The following KCNH7 variants were observed in gnomAD, a reference collection of about 807,000 sequenced individuals.
The protein encoded by KCNH7 is potassium voltage-gated channel subfamily H member 7.
Under a neutral mutation model 120.8 loss-of-function variants are expected in KCNH7, and 49 were observed. The ratio of observed to expected loss-of-function variants is 0.41; its 90% CI spans 0.32 to 0.51. The LOEUF is 0.51. KCNH7 is among the 20% of genes least tolerant of loss of function. The pLI is 0.38. For missense variants in KCNH7, 1,097 were observed against 1,446.6 expected (o/e 0.76, Z 3.92); for synonymous variants, 547 against 516.1 (o/e 1.06, Z -0.81).
At chr2:162,800,975 T>A (rs183617607) in intron 2 of KCNH7, among the ~76,000 whole-genome samples, 2 of 152,016 alleles carry the variant, frequency 1.3e-5, no homozygotes, top group East Asian at 3.9e-4. Context: ...TCTCTCCTTG[T>A]AAGAAAGGAT....
At chr2:162,633,536 C>T (rs1036191140) in intron 2 of KCNH7, among the ~76,000 whole-genome samples, 2 of 151,810 alleles carry the variant, frequency 1.3e-5, no homozygotes, top group African/African-American at 4.8e-5. Context: ...GTATGCTTTC[C>T]CTACACCCAT....
chr2:162,518,094 T>G lies in KCNH7; in HGVS notation c.528A>C (p.Pro176=). The G allele has an allele frequency of 6.2e-7, 1 of 1,612,288 alleles. No individual in the cohort carries two copies. Among genetic ancestry groups the G allele is most frequent in the Non-Finnish European group, 8.5e-7 (1 of 1,178,792 alleles). The change falls in exon 4 of 16, where the codon CCA becomes CCC. Residue 176 remains proline, a synonymous_variant. Coordinates refer to ENST00000332142, the MANE Select transcript of KCNH7 (RefSeq NM_033272.4). ...TGACCACCACATCGGGGTCTTCTTG[T>G]GGTAAGGACTGCTTTCTGTAAGTGA... is the stretch of plus-strand genomic sequence containing the variant. The part of the protein sequence containing the change: ...RVLTYRKQSL[P]QEDPDVVVID...
rs569735028 is a variant in KCNH7 at position 162,602,948 on chromosome 2, C to CT, written c.308-65869dup. Among the ~76,000 whole-genome samples the CT allele has an allele frequency of 5.8e-3, 779 of 135,040 alleles. 7 individuals carry two copies. The highest frequency in any genetic ancestry group is 0.018 in the African/African-American group (650 of 37,092). 88.6% of individuals were successfully genotyped at this position (135,040 alleles called of 152,430 possible). The stretch of plus-strand genomic sequence containing the variant: ...AGGAGGAGGAGGTTGAGCTGGAGGA[C>CT]TTTTTTTTTTTTTTGGTAATGTTTC... On this transcript the variant is annotated intron_variant, in intron 2 of 15. Coordinates refer to ENST00000332142, the MANE Select transcript of KCNH7 (RefSeq NM_033272.4).
chr2:162,763,409 C>T (rs1310480730), intron 2 of KCNH7, among the ~76,000 whole-genome samples: 2 of 152,080 alleles, frequency 1.3e-5, no homozygotes, highest in African/African-American at 4.8e-5. Flanking sequence ...TTGCAAATAG[C>T]ACCCACACAC....
At chr2:162,753,046 A>T in intron 2 of KCNH7, among the ~76,000 whole-genome samples, 1 of 133,564 alleles carries the variant, frequency 7.5e-6, no homozygotes, top group South Asian at 2.5e-4. Context: ...GACTAATAAT[A>T]ATCAATCCTA....
chr2:162,577,343 TC>T (rs1559025366), intron 2 of KCNH7, among the ~76,000 whole-genome samples: 1,937 of 130,436 alleles, frequency 0.015, 18 homozygotes, highest in African/African-American at 0.016. Flanking sequence ...CTATCATCTA[TC>T]CATCCTATCT....
At chr2:162,654,207 A>G (rs1684665913) in intron 2 of KCNH7, among the ~76,000 whole-genome samples, 1 of 152,008 alleles carries the variant, frequency 6.6e-6, no homozygotes, top group South Asian at 2.1e-4. Flanking sequence ...GAGTGAAGAG[A>G]CCTATGGAAT....
chr2:162,422,127 T>G (rs978990403), intron 9 of KCNH7, among the ~76,000 whole-genome samples: 1 of 152,206 alleles, frequency 6.6e-6, no homozygotes, highest in Non-Finnish European at 1.5e-5. Context: ...GTGTGAAAAG[T>G]GTTCATTTGA....
At chr2:162,680,845 G>A (rs1685686626) in intron 2 of KCNH7, among the ~76,000 whole-genome samples, 1 of 151,736 alleles carries the variant, frequency 6.6e-6, no homozygotes, top group South Asian at 2.1e-4. Flanking sequence ...AAGAAGGGGA[G>A]ATAGGAGATG....
intron 6 of KCNH7, among the ~76,000 whole-genome samples, chr2:162,489,266 C>T (rs1038891757): frequency 1.1e-4 from 16 of 151,886 alleles, no homozygotes; most frequent in African/African-American, 3.9e-4. Flanking sequence ...CATCATTGAC[C>T]AGAATCAGGG....
At chr2:162,709,555 T>C (rs1239976674) in intron 2 of KCNH7, among the ~76,000 whole-genome samples, 3 of 152,136 alleles carry the variant, frequency 2.0e-5, no homozygotes, top group Non-Finnish European at 2.9e-5. Context: ...TTCTTATCTA[T>C]GTAGAATAAA....
chr2:162,835,846 G>A (rs927393981), intron 2 of KCNH7, among the ~76,000 whole-genome samples: 1 of 151,982 alleles, frequency 6.6e-6, no homozygotes, highest in Admixed American at 6.6e-5. Flanking sequence ...CGAAGTTGAG[G>A]TATGACCTTA....
chr2:162,593,540 G>T (rs935638334), intron 2 of KCNH7, among the ~76,000 whole-genome samples: 1 of 151,992 alleles, frequency 6.6e-6, no homozygotes, highest in Non-Finnish European at 1.5e-5. Flanking sequence ...ATTCTGAAAT[G>T]CCACCTTCAA....
intron 6 of KCNH7, among the ~76,000 whole-genome samples, chr2:162,477,455 A>T (rs971774952): frequency 6.6e-6 from 1 of 152,146 alleles, no homozygotes; most frequent in Non-Finnish European, 1.5e-5. Context: ...AAAAAAGTCA[A>T]CAGGGTCTTT....
intron 2 of KCNH7, among the ~76,000 whole-genome samples, chr2:162,548,719 T>C (rs184911193): frequency 2.0e-5 from 3 of 152,282 alleles, no homozygotes; most frequent in African/African-American, 7.2e-5. Context: ...TACTTCCCAT[T>C]GTTTCATTTT....
chr2:162,805,138 A>G (rs1410269089), intron 2 of KCNH7, among the ~76,000 whole-genome samples: 4 of 151,976 alleles, frequency 2.6e-5, no homozygotes, highest in Non-Finnish European at 4.4e-5. Context: ...ATTATAGAGG[A>G]CAACCCTGGA....
intron 2 of KCNH7, among the ~76,000 whole-genome samples, chr2:162,786,359 CA>C (rs1055431072): frequency 6.6e-5 from 10 of 151,880 alleles, no homozygotes; most frequent in African/African-American, 2.4e-4. Flanking sequence ...ACTTAAACTC[CA>C]TTATGTAGCT....
intron 2 of KCNH7, among the ~76,000 whole-genome samples, chr2:162,717,437 G>A (rs1687165070): frequency 6.6e-6 from 1 of 152,066 alleles, no homozygotes; most frequent in African/African-American, 2.4e-5. Context: ...CCATGCTAAG[G>A]AAAGGTCCAT....
intron 2 of KCNH7, among the ~76,000 whole-genome samples, chr2:162,543,431 A>G (rs1342526212): frequency 2.0e-5 from 3 of 152,140 alleles, no homozygotes; most frequent in Non-Finnish European, 2.9e-5. Flanking sequence ...GAGAGATTAT[A>G]TATATTTACC....
Sources: allele counts gnomAD v4.1 joint callset (sites outside exome capture counted in the v4.1 genomes callset), GRCh38; gene constraint gnomAD v4.1.1; transcripts MANE v1.5; gene names NCBI Gene and HGNC (gene_info 2026-07-23, HGNC 2026-07-21).